Variants in SYNPR observed in about 807,000 individuals in gnomAD.
The protein encoded by SYNPR is synaptoporin.
Under a neutral mutation model 32.9 loss-of-function variants are expected in SYNPR, and 23 were observed. The observed-to-expected ratio is 0.70, with a 90% CI of 0.50 to 0.99. The LOEUF is 0.99. Ranked by LOEUF, SYNPR falls within the 50% of genes least tolerant of loss-of-function variation. The probability of loss-of-function intolerance (pLI) is 0.00; values close to 1 mark genes in which losing one functional copy is unlikely to be tolerated. For synonymous variants in SYNPR, 146 were observed against 135.9 expected, an observed-to-expected ratio of 1.07 and a Z score of -0.52; for missense variants, 318 against 349.3, an observed-to-expected ratio of 0.91 and a Z score of 0.71.
At chr3:63,469,963 A>G (rs1700765661) in intron 2 of SYNPR, among the ~76,000 whole-genome samples, 1 of 152,192 alleles carries the variant, frequency 6.6e-6, no homozygotes, top group Admixed American at 6.5e-5. Context: ...ACAGTTCTGA[A>G]TTTACTTTTC....
intron 2 of SYNPR, among the ~76,000 whole-genome samples, chr3:63,448,781 A>C (rs986135777): frequency 1.3e-5 from 2 of 152,220 alleles, no homozygotes; most frequent in African/African-American, 4.8e-5. Context: ...CCAGAACTAA[A>C]TGCCTTCATT....
chr3:63,562,732 A>G (rs1441649490), intron 4 of SYNPR, among the ~76,000 whole-genome samples: 3 of 152,228 alleles, frequency 2.0e-5, no homozygotes, highest in Non-Finnish European at 2.9e-5. Context: ...AGTCCAGGAT[A>G]TTAGAAACCT....
At chr3:63,229,441 G>A (rs1261911106) in intron 1 of SYNPR, among the ~76,000 whole-genome samples, 1 of 152,108 alleles carries the variant, frequency 6.6e-6, no homozygotes, top group Non-Finnish European at 1.5e-5. Context: ...GATCAAATGA[G>A]AATATTTTAC....
At chr3:63,304,673 C>T (rs2086892024) in intron 2 of SYNPR, among the ~76,000 whole-genome samples, 1 of 151,688 alleles carries the variant, frequency 6.6e-6, no homozygotes, top group East Asian at 1.9e-4. Flanking sequence ...ACTATAAGTA[C>T]CATAATATTT....
chr3:63,317,525 TG>T (rs2087056034), intron 2 of SYNPR, among the ~76,000 whole-genome samples: 1 of 152,078 alleles, frequency 6.6e-6, no homozygotes, highest in Non-Finnish European at 1.5e-5. Context: ...CTTTAGAATT[TG>T]TTTTGTCTGA....
chr3:63,432,927 C>A (rs1474554821), intron 2 of SYNPR, among the ~76,000 whole-genome samples: 1 of 152,148 alleles, frequency 6.6e-6, no homozygotes, highest in African/African-American at 2.4e-5. Flanking sequence ...GTTGGTAATT[C>A]CAGATTTCTA....
chr3:63,243,485 T>C (rs1177645823), intron 1 of SYNPR, among the ~76,000 whole-genome samples: 2 of 152,132 alleles, frequency 1.3e-5, no homozygotes, highest in African/African-American at 2.4e-5. Flanking sequence ...ATACTTCTGC[T>C]ATTCCTATTT....
chr3:63,502,346 C>G (rs868157354), intron 3 of SYNPR, among the ~76,000 whole-genome samples: 2 of 151,894 alleles, frequency 1.3e-5, no homozygotes, highest in East Asian at 3.9e-4. Flanking sequence ...TCAATATCCC[C>G]CACCAGAGTA....
At chr3:63,331,083 G>A (rs1232318677) in intron 2 of SYNPR, among the ~76,000 whole-genome samples, 1 of 152,108 alleles carries the variant, frequency 6.6e-6, no homozygotes, top group Non-Finnish European at 1.5e-5. Flanking sequence ...AAAATACACA[G>A]CACATATATC....
intron 2 of SYNPR, among the ~76,000 whole-genome samples, chr3:63,413,754 G>C (rs2088500311): frequency 1.3e-5 from 2 of 152,274 alleles, no homozygotes; most frequent in East Asian, 1.9e-4. Context: ...GATGGTGATT[G>C]CTGCTTGGGG....
chr3:63,408,190 GAA>G (rs2088392993), intron 2 of SYNPR, among the ~76,000 whole-genome samples: 2 of 89,272 alleles, frequency 2.2e-5, no homozygotes, highest in Non-Finnish European at 4.3e-5. Context: ...AAGAAAGAAA[GAA>G]AGAGGAAGGA....
intron 2 of SYNPR, among the ~76,000 whole-genome samples, chr3:63,266,422 G>C (rs1202118200): frequency 6.6e-6 from 1 of 151,790 alleles, no homozygotes; most frequent in Non-Finnish European, 1.5e-5. Flanking sequence ...AAAAATAAAG[G>C]CCGGGAGCGG....
At chr3:63,281,409 T>TG (rs34323077) in intron 2 of SYNPR, among the ~76,000 whole-genome samples, 4 of 152,330 alleles carry the variant, frequency 2.6e-5, no homozygotes, top group Non-Finnish European at 5.9e-5. Context: ...ATCTTAGTTT[T>TG]GGGGGTTGCT....
At chr3:63,605,115 T>C (rs1213153352) in intron 4 of SYNPR, among the ~76,000 whole-genome samples, 1 of 152,194 alleles carries the variant, frequency 6.6e-6, no homozygotes, top group Non-Finnish European at 1.5e-5. Context: ...TGACATCTTA[T>C]GGGAAGAAGT....
At chr3:63,368,936 T>G (rs1444152597) in intron 2 of SYNPR, among the ~76,000 whole-genome samples, 1 of 152,256 alleles carries the variant, frequency 6.6e-6, no homozygotes, top group Admixed American at 6.5e-5. Context: ...GATGCTGTTG[T>G]TGTCAAGATA....
chr3:63,301,742 T>A (rs1250911881), intron 2 of SYNPR, among the ~76,000 whole-genome samples: 2 of 152,106 alleles, frequency 1.3e-5, no homozygotes, highest in Non-Finnish European at 2.9e-5. Context: ...GAATTTTCTG[T>A]AGAAGCTTAG....
chr3:63,389,294 C>T (rs1260826915), intron 2 of SYNPR, among the ~76,000 whole-genome samples: 1 of 152,052 alleles, frequency 6.6e-6, no homozygotes, highest in Non-Finnish European at 1.5e-5. Context: ...AAAACCAACA[C>T]CTTAAGTGCA....
chr3:63,594,148 G>A (rs1443168357), intron 4 of SYNPR, among the ~76,000 whole-genome samples: 1 of 151,706 alleles, frequency 6.6e-6, no homozygotes, highest in Non-Finnish European at 1.5e-5. Flanking sequence ...GAAATGAGGT[G>A]GAACAGGTAA....
chr3:63,598,815 G>A (rs1247240607), intron 4 of SYNPR, among the ~76,000 whole-genome samples: 2 of 152,106 alleles, frequency 1.3e-5, no homozygotes, highest in East Asian at 3.9e-4. Flanking sequence ...GTCTTCAAAG[G>A]CCTAATGTAT....
Sources: allele counts gnomAD v4.1 joint callset (sites outside exome capture counted in the v4.1 genomes callset), GRCh38; gene constraint gnomAD v4.1.1; transcripts MANE v1.5; gene names NCBI Gene and HGNC (gene_info 2026-07-23, HGNC 2026-07-21).